The following CHRM5 variants were observed in gnomAD, a reference collection of about 807,000 sequenced individuals.
The protein encoded by CHRM5 is cholinergic receptor muscarinic 5.
Under a neutral mutation model 39.0 loss-of-function variants are expected in CHRM5, and 18 were observed. The ratio of observed to expected loss-of-function variants is 0.46; its 90% CI spans 0.32 to 0.68. CHRM5 has a LOEUF of 0.68. Among genes scored for constraint, CHRM5 ranks in the 30% least tolerant of loss-of-function variants. The pLI, the probability that CHRM5 is intolerant of heterozygous loss-of-function variation, is 0.04. For synonymous variants in CHRM5, 241 were observed against 246.3 expected, an observed-to-expected ratio of 0.98 and a Z score of 0.20; for missense variants, 515 against 651.1, an observed-to-expected ratio of 0.79 and a Z score of 2.28.
chr15:33,983,174 A>G (rs1031538060), intron 1 of CHRM5, among the ~76,000 whole-genome samples: 2,084 of 99,620 alleles, frequency 0.021, 69 homozygotes, highest in African/African-American at 0.12. Flanking sequence ...GTGTGTGTAT[A>G]TATACACACG....
chr15:34,007,812 T>C (rs1729100204), intron 1 of CHRM5, among the ~76,000 whole-genome samples: 2 of 152,212 alleles, frequency 1.3e-5, no homozygotes, highest in Admixed American at 1.3e-4. Context: ...TTCTGGAAGT[T>C]CTGAGGGAGA....
chr15:33,998,166 G>A (rs1433811029), intron 1 of CHRM5, among the ~76,000 whole-genome samples: 23 of 152,062 alleles, frequency 1.5e-4, no homozygotes, highest in African/African-American at 5.5e-4. Context: ...AACTGCCCAA[G>A]CCCCAGCAAT....
chr15:34,032,022 C>T (rs375515989), intron 1 of CHRM5, among the ~76,000 whole-genome samples: 64 of 118,216 alleles, frequency 5.4e-4, no homozygotes, highest in Middle Eastern at 3.9e-3. Flanking sequence ...CGCGCGCACA[C>T]GCACACACAC....
intron 2 of CHRM5, among the ~76,000 whole-genome samples, chr15:34,061,322 G>C (rs1900329614): frequency 6.6e-6 from 1 of 152,054 alleles, no homozygotes; most frequent in African/African-American, 2.4e-5. Context: ...TCAACAGAGG[G>C]TTAATTAAAT....
In CHRM5 at chr15:34,007,552, A is replaced by G. The variant is rs924740773; in HGVS notation, c.-408+38402A>G. ...TATTTCTACCAACAGTATCTTCAAG[A>G]CAACGTAGGCTGCTTCTATCATGCA... On this transcript the variant is annotated intron_variant, in intron 1 of 2. Transcript: ENST00000383263. Among the ~76,000 whole-genome samples the G allele has an allele frequency of 3.3e-5, 5 of 152,156 alleles. No individual in the cohort carries two copies. In the East Asian group the frequency reaches 9.6e-4, roughly 29 times the overall value.
rs761911674 is a variant in CHRM5, at chr15:34,064,295, G to A, written c.1578G>A (p.Gln526=). 1.2e-6 allele frequency: 2 copies of A among 1,613,538 alleles called. No homozygotes were observed. The highest frequency in any genetic ancestry group is 2.2e-5 in the East Asian group (1 of 44,876). ...KKKVEEKLYW[Q]GNSKLP ...AAGTGGAAGAGAAGTTGTACTGGCA[G>A]GGGAACAGCAAGCTACCCTGAAAAG... is the stretch of plus-strand genomic sequence containing the variant. The change falls in exon 3 of 3, where the codon CAG becomes CAA. Residue 526 remains glutamine, a synonymous_variant. Transcript: ENST00000383263.
chr15:34,022,749 C>T (rs2140723122), intron 1 of CHRM5, among the ~76,000 whole-genome samples: 1 of 152,316 alleles, frequency 6.6e-6, no homozygotes, highest in South Asian at 2.1e-4. Context: ...AAAAGGAAAG[C>T]ATTCCCCCAA....
At chr15:34,057,894 C>G (rs115043636) in intron 2 of CHRM5, among the ~76,000 whole-genome samples, 2,669 of 152,292 alleles carry the variant, frequency 0.018, 77 homozygotes, top group African/African-American at 0.061. Flanking sequence ...GGTGATGTTA[C>G]CACTGTAAAT....
At chr15:33,990,667 AC>A (rs1896683248) in intron 1 of CHRM5, 1 of 152,226 alleles carries the variant, frequency 6.6e-6, no homozygotes, top group South Asian at 2.1e-4. Flanking sequence ...GGGGCCTGGG[AC>A]CGGAAAGATA....
At chr15:34,038,883 C>T in intron 1 of CHRM5, 2 of 1,140,264 alleles carry the variant, frequency 1.8e-6, no homozygotes, top group Non-Finnish European at 2.1e-6. Flanking sequence ...GCCCCGGCCA[C>T]GGCCACGGCC....
intron 1 of CHRM5, among the ~76,000 whole-genome samples, chr15:34,031,005 C>T (rs376454148): frequency 1.7e-4 from 26 of 152,100 alleles, no homozygotes; most frequent in Middle Eastern, 3.4e-3. Context: ...TGACTATGTT[C>T]GTTTCACAGA....
At chr15:33,982,205 C>T (rs977390626) in intron 1 of CHRM5, among the ~76,000 whole-genome samples, 2 of 152,056 alleles carry the variant, frequency 1.3e-5, no homozygotes, top group African/African-American at 4.8e-5. Flanking sequence ...TTAACACCTA[C>T]ATCTCTGCAG....
intron 1 of CHRM5, among the ~76,000 whole-genome samples, chr15:34,016,002 C>T (rs1407347135): frequency 2.0e-5 from 3 of 152,180 alleles, no homozygotes; most frequent in African/African-American, 7.2e-5. Context: ...AGCGGCTGGG[C>T]GCGGTGGCTC....
chr15:34,056,275 GC>G (rs1452930652), intron 2 of CHRM5, among the ~76,000 whole-genome samples: 2 of 152,164 alleles, frequency 1.3e-5, no homozygotes, highest in Non-Finnish European at 2.9e-5. Flanking sequence ...AGAAACTGGG[GC>G]CCAGAGAGAA....
intron 1 of CHRM5, among the ~76,000 whole-genome samples, chr15:33,990,013 G>A (rs1314899303): frequency 6.6e-6 from 1 of 151,718 alleles, no homozygotes; most frequent in Non-Finnish European, 1.5e-5. Flanking sequence ...GACCAGCCTG[G>A]CCAACATGGT....
intron 1 of CHRM5, among the ~76,000 whole-genome samples, chr15:34,016,227 T>C (rs1897904684): frequency 6.6e-6 from 1 of 152,108 alleles, no homozygotes; most frequent in Non-Finnish European, 1.5e-5. Flanking sequence ...AGAGCAAAAC[T>C]CCATCTCAAA....
chr15:33,993,647 A>C (rs1896817741), intron 1 of CHRM5, among the ~76,000 whole-genome samples: 1 of 152,212 alleles, frequency 6.6e-6, no homozygotes, highest in Non-Finnish European at 1.5e-5. Context: ...TTATAGAATA[A>C]TTATTAAACC....
chr15:33,980,590 T>C (rs1024856243), intron 1 of CHRM5, among the ~76,000 whole-genome samples: 4 of 149,880 alleles, frequency 2.7e-5, no homozygotes, highest in African/African-American at 9.8e-5. Flanking sequence ...ATGAGTATAT[T>C]AAAGCCTTGG....
chr15:34,024,408 G>C (rs886159125), intron 1 of CHRM5, among the ~76,000 whole-genome samples: 2 of 149,436 alleles, frequency 1.3e-5, no homozygotes, highest in East Asian at 2.0e-4. Context: ...CCAGCATTTT[G>C]GGAGGCCAAG....
Sources: allele counts gnomAD v4.1 joint callset (sites outside exome capture counted in the v4.1 genomes callset), GRCh38; gene constraint gnomAD v4.1.1; transcripts MANE v1.5; gene names NCBI Gene and HGNC (gene_info 2026-07-23, HGNC 2026-07-21).